The following MCMBP variants were observed in gnomAD, a reference collection of about 807,000 sequenced individuals.
MCMBP encodes the protein mini-chromosome maintenance complex-binding protein.
MCMBP carries 31 observed loss-of-function variants against 81.3 expected under a neutral mutation model. The ratio of observed to expected loss-of-function variants is 0.38; its 90% CI spans 0.29 to 0.51. The LOEUF is 0.51. Ranked by LOEUF, MCMBP falls within the 20% of genes least tolerant of loss-of-function variation. The probability of loss-of-function intolerance (pLI) is 0.87; values close to 1 mark genes in which losing one functional copy is unlikely to be tolerated. For synonymous variants in MCMBP, 267 were observed against 275.9 expected, an observed-to-expected ratio of 0.97 and a Z score of 0.32; for missense variants, 645 against 772.1, an observed-to-expected ratio of 0.84 and a Z score of 1.95.
chr10:119,837,823 C>T (rs1031656590), intron 12 of MCMBP, among the ~76,000 whole-genome samples: 1 of 152,032 alleles, frequency 6.6e-6, no homozygotes, highest in Non-Finnish European at 1.5e-5. Flanking sequence ...TCTACACTTC[C>T]CTTTTGAGGT....
At chr10:119,832,631 C>A (rs1308227579) in intron 14 of MCMBP, among the ~76,000 whole-genome samples, 1 of 152,098 alleles carries the variant, frequency 6.6e-6, no homozygotes, top group Non-Finnish European at 1.5e-5. Flanking sequence ...GAGAACAGGG[C>A]TAGGGCTCCT....
intron 11 of MCMBP, among the ~76,000 whole-genome samples, chr10:119,839,524 T>C (rs1399954208): frequency 1.3e-5 from 2 of 152,154 alleles, no homozygotes; most frequent in Admixed American, 1.3e-4. Context: ...CATGTATTAA[T>C]TTATTTGTTG....
chr10:119,843,263 T>C lies in MCMBP; in HGVS notation c.991A>G (p.Ser331Gly), dbSNP rs1564874762. 1.2e-6 allele frequency: 2 copies of C among 1,613,714 alleles called. No individual in the cohort carries two copies. The highest frequency in any genetic ancestry group is 1.7e-6 in the Non-Finnish European group (2 of 1,179,730). The change falls in exon 9 of 16, where the codon AGC (serine) becomes GGC (glycine). Residue 331 changes from serine to glycine, a missense_variant. By Grantham distance (56) the Ser-to-Gly change is moderately conservative. Transcript: ENST00000369077. The stretch of plus-strand genomic sequence containing the variant: ...TAACACTTACACTTACAGGTTTTGC[T>C]CTCCTCTTTGTTAAGGCAGGCAGGC... ...LLPACLNKEESKTFVSSFMSE... is the reference protein window; with the variant it reads ...LLPACLNKEEGKTFVSSFMSE...
At chr10:119,849,727 C>T (rs1589787889) in intron 6 of MCMBP, 151 bp from the exon 7 acceptor site, 1 of 617,866 alleles carries the variant, frequency 1.6e-6, no homozygotes, top group Middle Eastern at 3.2e-4. Flanking sequence ...ACAGCACATA[C>T]TAACAAAGTC....
chr10:119,859,030 G>A lies in MCMBP; in HGVS notation c.285+11C>T, dbSNP rs1293719361. The A allele has an allele frequency of 1.9e-6, 3 of 1,612,550 alleles. No homozygotes were observed. The highest frequency in any genetic ancestry group is 1.7e-5 in the Admixed American group (1 of 59,696). On this transcript the variant is annotated intron_variant, in intron 3 of 15. Transcript: ENST00000369077. ...TTAATACCACAAATTCATGAAAACA[G>A]CAATACTTACATGTGCTTTTGTGTT...
At chr10:119,837,073 T>A in intron 12 of MCMBP, 44 bp from the exon 13 acceptor site, 1 of 1,592,326 alleles carries the variant, frequency 6.3e-7, no homozygotes. Flanking sequence ...ACTTTAATCA[T>A]CTAAACACAT....
Position 119,831,249 on chromosome 10 carries a change from TTATA to T in MCMBP, c.*221_*224del, listed in dbSNP as rs1240488913. 1 of 292,518 alleles carries T rather than the reference TTATA, an allele frequency of 3.4e-6. No homozygotes were observed. Among genetic ancestry groups the T allele is most frequent in the Non-Finnish European group, 6.2e-6 (1 of 160,562 alleles). The allele number at this position is 292,518 out of a possible 1,614,324, so 18.1% of individuals were successfully genotyped here. A position where few individuals can be genotyped will look rare whatever the true frequency, so the allele number is the denominator to read the frequency against. ...ATACTTTTTTTACATCATTACTAAT[TTATA>T]TAATTATTATAAAACAAACTTCAAA... On this transcript the variant is annotated 3_prime_UTR_variant, in exon 16 of 16. Transcript: ENST00000369077.
intron 14 of MCMBP, among the ~76,000 whole-genome samples, chr10:119,834,285 G>C (rs1162222505): frequency 6.6e-6 from 1 of 152,138 alleles, no homozygotes; most frequent in Non-Finnish European, 1.5e-5. Flanking sequence ...TCCACACATA[G>C]ACACATCATA....
At chr10:119,837,792 A>G (rs879923832) in intron 12 of MCMBP, among the ~76,000 whole-genome samples, 1 of 152,138 alleles carries the variant, frequency 6.6e-6, no homozygotes, top group African/African-American at 2.4e-5. Context: ...CAAAACAAAA[A>G]AAAAATTATA....
chr10:119,869,430 G>A (rs1853587221), intron 1 of MCMBP, among the ~76,000 whole-genome samples: 1 of 152,168 alleles, frequency 6.6e-6, no homozygotes, highest in Non-Finnish European at 1.5e-5. Flanking sequence ...AAATTAGCTG[G>A]GCATGGTGGC....
intron 5 of MCMBP, among the ~76,000 whole-genome samples, chr10:119,854,276 A>C (rs1263438945): frequency 6.6e-6 from 1 of 151,766 alleles, no homozygotes; most frequent in Non-Finnish European, 1.5e-5. Context: ...TCCTGGCCTC[A>C]AGTGATCCTC....
chr10:119,847,561 C>T, intron 8 of MCMBP, 52 bp downstream of exon 8: 1 of 1,128,084 alleles, frequency 8.9e-7, no homozygotes, highest in Non-Finnish European at 1.3e-6. Context: ...CTCCTGAAAA[C>T]TTGAAATTAT....
chr10:119,873,078 G>A (rs1853771777), upstream of MCMBP, among the ~76,000 whole-genome samples: 1 of 152,070 alleles, frequency 6.6e-6, no homozygotes, highest in African/African-American at 2.4e-5. Flanking sequence ...TTGTACCCCT[G>A]GGCCGGCGTG....
At position 119,835,659 on chromosome 10, in the gene MCMBP, T is replaced by C. The variant is rs746016981; in HGVS notation, c.1588A>G (p.Met530Val). 3.7e-6 allele frequency: 6 copies of C among 1,614,072 alleles called. No individual in the cohort carries two copies. The Admixed American group carries it at 8.3e-5, about 22-fold the overall frequency. The change falls in exon 14 of 16, where the codon ATG (methionine) becomes GTG (valine). Residue 530 changes from methionine (M) to valine (V), a missense_variant. Met to Val is a conservative substitution (Grantham distance 21). Coordinates refer to ENST00000369077, the MANE Select transcript of MCMBP (RefSeq NM_001256378.2). ...AGAAGGCTGTTCATGTACTCCTCCA[T>C]GTTTGGTGGAATTAGCTGGGGCTGT... is the stretch of plus-strand genomic sequence containing the variant. ...HLQPQLIPPNMEEYMNSLLSA... is the reference protein window; with the variant it reads ...HLQPQLIPPNVEEYMNSLLSA...
chr10:119,854,132 C>T (rs1450907975), intron 5 of MCMBP, among the ~76,000 whole-genome samples: 5 of 151,120 alleles, frequency 3.3e-5, no homozygotes, highest in Non-Finnish European at 5.9e-5. Context: ...CCTCAGCCTT[C>T]TGGGTTCAGG....
chr10:119,872,707 G>T lies in MCMBP; in HGVS notation c.-123C>A, dbSNP rs1433190652. On this transcript the variant is annotated 5_prime_UTR_variant, in exon 1 of 16. Coordinates refer to ENST00000369077, the MANE Select transcript of MCMBP (RefSeq NM_001256378.2). Reference sequence around the variant, plus strand: ...CCGCTCCTCGCCCGCGTTCGCTCGCGCCCTCCCACGCACAGCGAGCCGCGG... The same window carrying T: ...CCGCTCCTCGCCCGCGTTCGCTCGCTCCCTCCCACGCACAGCGAGCCGCGG... 4 of 347,432 alleles carry T rather than the reference G, an allele frequency of 1.2e-5. No individual in the cohort carries two copies. The highest frequency in any genetic ancestry group is 1.7e-5 in the Non-Finnish European group (4 of 229,748). 21.5% of individuals were successfully genotyped at this position (347,432 alleles called of 1,614,324 possible).
At chr10:119,842,357 A>T in intron 10 of MCMBP, 115 bp downstream of exon 10, 1 of 1,204,230 alleles carries the variant, frequency 8.3e-7, no homozygotes, top group Non-Finnish European at 1.2e-6. Flanking sequence ...GACAGATAAA[A>T]ACCATGTGAT....
At chr10:119,859,302 ACACC>A in intron 2 of MCMBP, 121 bp from the exon 3 acceptor site, 2 of 712,954 alleles carry the variant, frequency 2.8e-6, no homozygotes, top group Admixed American at 3.2e-5. Flanking sequence ...ACACACACAC[ACACC>A]CATGCCACAT....
At chr10:119,831,961 G>A in intron 15 of MCMBP, 51 bp downstream of exon 15, 2 of 1,493,882 alleles carry the variant, frequency 1.3e-6, no homozygotes, top group Non-Finnish European at 1.8e-6. Flanking sequence ...TAACTCAGAA[G>A]ACATATACAC....
Sources: gnomAD v4.1 joint callset for allele counts (sites outside exome capture counted in the v4.1 genomes callset) on GRCh38, gnomAD v4.1.1 for gene constraint, MANE v1.5 for transcripts, NCBI Gene and HGNC (gene_info 2026-07-23, HGNC 2026-07-21) for gene names.